The following COPB1 variants were observed in gnomAD, a reference collection of about 807,000 sequenced individuals.
COPB1 encodes coat protein complex I subunit beta 1, also known as coatomer subunit beta.
Under a neutral mutation model 108.7 loss-of-function variants are expected in COPB1, and 21 were observed. That is an observed-to-expected ratio of 0.19 (90% CI 0.14 to 0.28). COPB1 has a LOEUF of 0.28. Among genes scored for constraint, COPB1 ranks in the 10% least tolerant of loss-of-function variants. The pLI is 1.00. For synonymous variants in COPB1, 378 were observed against 386.8 expected (o/e 0.98, Z 0.27); for missense variants, 919 against 1,141.3 (o/e 0.81, Z 2.81).
chr11:14,492,421 G>A (rs1014081323), intron 4 of COPB1, among the ~76,000 whole-genome samples: 9 of 151,862 alleles, frequency 5.9e-5, no homozygotes, highest in East Asian at 1.9e-4. Context: ...TCGGTTCATC[G>A]CAACCTCTGC....
chr11:14,469,352 T>C lies in COPB1; in HGVS notation c.1949A>G (p.Glu650Gly). 1 of 1,613,894 alleles carries C rather than the reference T, an allele frequency of 6.2e-7. No individual in the cohort carries two copies. Among genetic ancestry groups the C allele is most frequent in the South Asian group, 1.1e-5 (1 of 91,074 alleles). The change falls in exon 15 of 22, where the codon GAG (glutamate) becomes GGG (glycine). Residue 650 changes from glutamate (E) to glycine (G), a missense_variant. Physicochemically the swap from Glu to Gly is moderately conservative, Grantham distance 98. Coordinates refer to ENST00000439561, the MANE Select transcript of COPB1 (RefSeq NM_001144061.2). Reference sequence around the variant, plus strand: ...ATACCTTACCTTTTGGGATAATTTCTCTTCTTCTAGTTTAGCAGATAACAT... The same window carrying C: ...ATACCTTACCTTTTGGGATAATTTCCCTTCTTCTAGTTTAGCAGATAACAT... ...SHMLSAKLEEEKLSQKKESEK... is the reference protein window; with the variant it reads ...SHMLSAKLEEGKLSQKKESEK...
rs748322011 is a variant in COPB1 at position 14,464,950 on chromosome 11, C to G, written c.2371G>C (p.Val791Leu). The G allele has an allele frequency of 7.4e-6, 12 of 1,613,586 alleles. No homozygotes were observed. The highest frequency in any genetic ancestry group is 1.0e-5 in the Non-Finnish European group (12 of 1,179,816). The change falls in exon 18 of 22, where the codon GTA (valine) becomes CTA (leucine). Residue 791 changes from valine (V) to leucine (L), a missense_variant. Physicochemically the swap from Val to Leu is conservative, Grantham distance 32 (BLOSUM62 1). Coordinates refer to ENST00000439561, the MANE Select transcript of COPB1 (RefSeq NM_001144061.2). ...DFANIKANVK[V>L]ASTENGIIFG... is the part of the protein sequence containing the mutation. Reference sequence around the variant, plus strand: ...ATTATTCCATTTTCTGTTGATGCTACTTTGACGTTAGCTTTAATATTTGCG... The same window carrying G: ...ATTATTCCATTTTCTGTTGATGCTAGTTTGACGTTAGCTTTAATATTTGCG...
rs1233164136 is a variant in COPB1, at chr11:14,457,579, G to C, written c.*245C>G. 4 of 323,394 alleles carry C rather than the reference G, an allele frequency of 1.2e-5. No individual in the cohort carries two copies. The highest frequency in any genetic ancestry group is 2.4e-5 in the Non-Finnish European group (4 of 168,408). The allele number at this position is 323,394 out of a possible 1,614,324, so 20.0% of individuals were successfully genotyped here. ...TGAATAGATCTGTTTATTGTACTGT[G>C]AAAAGGGTCTTGGTACATGAAACAT... is the stretch of plus-strand genomic sequence containing the variant. On this transcript the variant is annotated 3_prime_UTR_variant, in exon 22 of 22. Coordinates refer to ENST00000439561, the MANE Select transcript of COPB1 (RefSeq NM_001144061.2).
intron 5 of COPB1, among the ~76,000 whole-genome samples, 188 bp from the exon 6 acceptor site, chr11:14,488,772 T>C (rs1850831459): frequency 6.6e-6 from 1 of 152,104 alleles, no homozygotes; most frequent in Non-Finnish European, 1.5e-5. Flanking sequence ...AAGTTAAATA[T>C]ATTTTCTGGA....
Position 14,461,209 on chromosome 11 carries a change from C to T in COPB1, c.2533G>A (p.Ala845Thr). ...ACTTTGTTTTCCCATTCAAATTCGGCCCACATCTGACGGAATTCTGCATCA... is the reference window on the plus strand; with the variant it reads ...ACTTTGTTTTCCCATTCAAATTCGGTCCACATCTGACGGAATTCTGCATCA... ...CTDAEFRQMW[A>T]EFEWENKVTV... The change falls in exon 19 of 22, where the codon GCC becomes ACC. Residue 845 changes from alanine (A) to threonine (T), a missense_variant. Ala to Thr is a moderately conservative substitution (Grantham distance 58). This residue lies in a region of COPB1 where 705 missense variants were observed against 817.8 expected (regional missense o/e 0.86). Coordinates refer to ENST00000439561, the MANE Select transcript of COPB1 (RefSeq NM_001144061.2). 1 of 1,614,120 alleles carries T rather than the reference C, an allele frequency of 6.2e-7. No homozygotes were observed. Among genetic ancestry groups the T allele is most frequent in the Non-Finnish European group, 8.5e-7 (1 of 1,180,018 alleles).
At chr11:14,497,619 G>A (rs1296648165) in intron 2 of COPB1, among the ~76,000 whole-genome samples, 2 of 152,138 alleles carry the variant, frequency 1.3e-5, no homozygotes, top group Non-Finnish European at 2.9e-5. Flanking sequence ...ACCCACTATG[G>A]AGAACAGTTT....
In COPB1 at chr11:14,460,994, T is replaced by C. The variant is rs529513856; in HGVS notation, c.2556+192A>G. Among the ~76,000 whole-genome samples, 25 of 152,312 alleles carry C rather than the reference T, an allele frequency of 1.6e-4. No homozygotes were observed. In the South Asian group the frequency reaches 1.9e-3, roughly 11 times the overall value. The stretch of plus-strand genomic sequence containing the variant: ...GCTATAGAACTGCTACTCTAATCAA[T>C]TTATAACAGCAAATTACCAAACTAC... On this transcript the variant is annotated intron_variant, in intron 19 of 21. Transcript: ENST00000439561.
At chr11:14,497,667 C>G (rs1013660025) in intron 2 of COPB1, among the ~76,000 whole-genome samples, 1 of 152,116 alleles carries the variant, frequency 6.6e-6, no homozygotes, top group African/African-American at 2.4e-5. Flanking sequence ...GGGTACCATA[C>G]GATTCAGCAA....
intron 11 of COPB1, among the ~76,000 whole-genome samples, chr11:14,477,371 C>CAG (rs1419297592): frequency 7.5e-5 from 6 of 79,846 alleles, no homozygotes; most frequent in Non-Finnish European, 4.9e-5. Context: ...GGCTGGGTGA[C>CAG]AGAGCGAGAC....
chr11:14,469,312 G>A, intron 15 of COPB1, 24 bp downstream of exon 15: 1 of 1,580,830 alleles, frequency 6.3e-7, no homozygotes, highest in Non-Finnish European at 8.7e-7. Flanking sequence ...AAACACTTTT[G>A]TTGCCTCATC....
intron 14 of COPB1, among the ~76,000 whole-genome samples, chr11:14,472,422 G>T (rs1850428759): frequency 6.6e-6 from 1 of 152,190 alleles, no homozygotes; most frequent in African/African-American, 2.4e-5. Context: ...CACTGACAGA[G>T]CACAGACAGA....
chr11:14,497,226 G>C (rs1183082128), intron 2 of COPB1, among the ~76,000 whole-genome samples: 1 of 151,756 alleles, frequency 6.6e-6, no homozygotes, highest in African/African-American at 2.4e-5. Flanking sequence ...GCACAGCAAA[G>C]GAAACAATCG....
rs565101512 is a variant in COPB1 at position 14,460,133 on chromosome 11, T to C, written c.2646+75A>G. The stretch of plus-strand genomic sequence containing the variant: ...TGCATATTGAATAACAAAAATGTGC[T>C]AGAGGAAATACAGGAAGGCCAGGAA... On this transcript the variant is annotated intron_variant, in intron 20 of 21. Transcript: ENST00000439561. 6.8e-6 allele frequency: 6 copies of C among 877,190 alleles called. No homozygotes were observed. The East Asian group carries it at 9.7e-5, about 14-fold the overall frequency. 54.3% of individuals were successfully genotyped at this position (877,190 alleles called of 1,614,324 possible). A position where few individuals can be genotyped will look rare whatever the true frequency, so the allele number is the denominator to read the frequency against.
At chr11:14,482,366 T>C (rs1046575751) in intron 8 of COPB1, among the ~76,000 whole-genome samples, 4 of 152,198 alleles carry the variant, frequency 2.6e-5, no homozygotes, top group African/African-American at 2.4e-5. Flanking sequence ...TAAACAAATA[T>C]GGTGATAATT....
intron 2 of COPB1, among the ~76,000 whole-genome samples, chr11:14,495,863 A>C (rs1324983106): frequency 6.6e-6 from 1 of 152,230 alleles, no homozygotes; most frequent in African/African-American, 2.4e-5. Flanking sequence ...ATTATGAGGA[A>C]AAACACTAAT....
chr11:14,483,763 C>T (rs1850712003), intron 7 of COPB1, among the ~76,000 whole-genome samples: 1 of 151,914 alleles, frequency 6.6e-6, no homozygotes, highest in Non-Finnish European at 1.5e-5. Flanking sequence ...ATAAGAATTC[C>T]AATAAATAAA....
At chr11:14,465,871 AT>A (rs1408989443) in intron 17 of COPB1, among the ~76,000 whole-genome samples, 3 of 152,176 alleles carry the variant, frequency 2.0e-5, no homozygotes, top group Non-Finnish European at 4.4e-5. Context: ...TGCATCTCAT[AT>A]TGCTAAATGT....
intron 14 of COPB1, among the ~76,000 whole-genome samples, chr11:14,471,038 G>C (rs1489641590): frequency 1.3e-5 from 2 of 150,490 alleles, no homozygotes; most frequent in African/African-American, 4.9e-5. Context: ...TACACTACTG[G>C]GAAAAAAAAA....
intron 7 of COPB1, 69 bp from the exon 8 acceptor site, chr11:14,483,220 C>G: frequency 9.8e-7 from 1 of 1,023,982 alleles, no homozygotes; most frequent in Non-Finnish European, 1.4e-6. Context: ...TAAGCATGCG[C>G]GCGCACACCA....
Sources: allele counts gnomAD v4.1 joint callset (sites outside exome capture counted in the v4.1 genomes callset), GRCh38; gene constraint gnomAD v4.1.1; regional missense constraint gnomAD v4.1.1; transcripts MANE v1.5; gene names NCBI Gene and HGNC (gene_info 2026-07-23, HGNC 2026-07-21).